Variants in MAP4K4 observed in about 807,000 individuals in gnomAD.
MAP4K4 encodes the protein mitogen-activated protein kinase kinase kinase kinase 4.
Under a neutral mutation model 189.6 loss-of-function variants are expected in MAP4K4, and 38 were observed. The ratio of observed to expected loss-of-function variants is 0.20; its 90% confidence interval spans 0.15 to 0.26. MAP4K4 has a LOEUF of 0.26. Ranked by LOEUF, MAP4K4 falls within the 10% of genes least tolerant of loss-of-function variation. The pLI, the probability that MAP4K4 is intolerant of heterozygous loss-of-function variation, is 1.00. For missense variants in MAP4K4, 1,054 were observed against 1,726.9 expected, an observed-to-expected ratio of 0.61 and a Z score of 6.91; for synonymous variants, 610 against 624.3, an observed-to-expected ratio of 0.98 and a Z score of 0.34.
chr2:101,780,931 A>G (rs1364825644), intron 2 of MAP4K4, among the ~76,000 whole-genome samples: 1 of 152,202 alleles, frequency 6.6e-6, no homozygotes, highest in Non-Finnish European at 1.5e-5. Flanking sequence ...GTTTGCCTAT[A>G]GTAAAAAATG....
intron 3 of MAP4K4, among the ~76,000 whole-genome samples, chr2:101,799,771 T>A (rs1485740580): frequency 6.6e-6 from 1 of 152,062 alleles, no homozygotes; most frequent in Non-Finnish European, 1.5e-5. Context: ...CCAGCTAATT[T>A]TTAAAATTTT....
intron 18 of MAP4K4, 94 bp downstream of exon 18, chr2:101,865,130 GT>G: frequency 1.4e-6 from 1 of 722,980 alleles, no homozygotes; most frequent in Non-Finnish European, 2.3e-6. Flanking sequence ...AAACACAGAC[GT>G]TCTGGGGCTA....
intron 2 of MAP4K4, among the ~76,000 whole-genome samples, chr2:101,755,179 CT>C (rs1398337426): frequency 1.4e-5 from 2 of 144,612 alleles, no homozygotes; most frequent in Admixed American, 1.4e-4. Flanking sequence ...TTGATGCCCC[CT>C]CCTCGCTTTT....
At chr2:101,787,892 C>T (rs911688792) in intron 2 of MAP4K4, among the ~76,000 whole-genome samples, 17 of 151,588 alleles carry the variant, frequency 1.1e-4, no homozygotes, top group Non-Finnish European at 1.9e-4. Flanking sequence ...CAACCTCCAC[C>T]TCCTGGGTTC....
intron 2 of MAP4K4, among the ~76,000 whole-genome samples, chr2:101,769,863 T>TGA (rs947014374): frequency 2.0e-5 from 3 of 152,156 alleles, no homozygotes; most frequent in African/African-American, 7.2e-5. Context: ...ATTACAGGCA[T>TGA]GAGCCACTGT....
chr2:101,726,201 C>T (rs1462607851), intron 2 of MAP4K4, among the ~76,000 whole-genome samples: 7 of 152,182 alleles, frequency 4.6e-5, no homozygotes, highest in Non-Finnish European at 8.8e-5. Context: ...TTTGAAGCTG[C>T]TTGCAGCTAT....
chr2:101,716,429 C>T (rs1400181837), intron 2 of MAP4K4, among the ~76,000 whole-genome samples: 20 of 151,006 alleles, frequency 1.3e-4, no homozygotes, highest in Admixed American at 6.6e-5. Flanking sequence ...GGCGACAGAG[C>T]GAGACTCTGT....
chr2:101,790,986 A>G (rs900371503), intron 3 of MAP4K4, among the ~76,000 whole-genome samples: 1 of 152,156 alleles, frequency 6.6e-6, no homozygotes, highest in Non-Finnish European at 1.5e-5. Context: ...CATTTTCTCA[A>G]AACACACGCA....
intron 3 of MAP4K4, among the ~76,000 whole-genome samples, chr2:101,802,574 C>T (rs1160386073): frequency 6.6e-6 from 1 of 152,102 alleles, no homozygotes; most frequent in Non-Finnish European, 1.5e-5. Context: ...CCTGGAATGC[C>T]ACTCCCTCAC....
intron 2 of MAP4K4, among the ~76,000 whole-genome samples, chr2:101,713,695 G>T (rs1016814838): frequency 1.3e-5 from 2 of 150,084 alleles, no homozygotes; most frequent in Non-Finnish European, 3.0e-5. Context: ...AGGAATTCAA[G>T]ACTAGCCTCA....
intron 3 of MAP4K4, among the ~76,000 whole-genome samples, chr2:101,818,317 A>G (rs1192569956): frequency 1.3e-5 from 2 of 152,192 alleles, no homozygotes; most frequent in African/African-American, 4.8e-5. Context: ...TGTATATCTC[A>G]TTTTATCCGT....
chr2:101,715,859 C>T (rs990666401), intron 2 of MAP4K4, among the ~76,000 whole-genome samples: 14 of 152,088 alleles, frequency 9.2e-5, no homozygotes, highest in African/African-American at 3.1e-4. Flanking sequence ...TATTTATAGC[C>T]GCTCCCCATT....
At chr2:101,847,256 C>T (rs1038080381) in intron 12 of MAP4K4, among the ~76,000 whole-genome samples, 4 of 152,142 alleles carry the variant, frequency 2.6e-5, no homozygotes, top group African/African-American at 9.7e-5. Flanking sequence ...CAATTATATA[C>T]AGTATATGTT....
At chr2:101,763,940 G>A (rs189961108) in intron 2 of MAP4K4, among the ~76,000 whole-genome samples, 1 of 152,146 alleles carries the variant, frequency 6.6e-6, no homozygotes, top group Non-Finnish European at 1.5e-5. Context: ...GACCCTGAGA[G>A]GTCAGGGTGC....
intron 9 of MAP4K4, among the ~76,000 whole-genome samples, chr2:101,839,341 C>T (rs959862331): frequency 4.6e-5 from 7 of 152,302 alleles, no homozygotes; most frequent in Admixed American, 2.6e-4. Flanking sequence ...TTTGGAACTC[C>T]GGTTGAAATG....
At chr2:101,730,682 T>C (rs17025997) in intron 2 of MAP4K4, among the ~76,000 whole-genome samples, 5,329 of 152,220 alleles carry the variant, frequency 0.035, 322 homozygotes, top group African/African-American at 0.12. Context: ...GCATACGTTT[T>C]TGAATTTTTC....
exon 12 of MAP4K4, chr2:101,844,164 G>A (rs1271865136): frequency 1.2e-6 from 2 of 1,612,606 alleles, no homozygotes; most frequent in South Asian, 2.2e-5. Context: ...TGCAGCAGGA[G>A]AACAAGGAAC....
At chr2:101,775,778 C>A (rs138696624) in intron 2 of MAP4K4, among the ~76,000 whole-genome samples, 7 of 152,310 alleles carry the variant, frequency 4.6e-5, no homozygotes, top group African/African-American at 1.7e-4. Context: ...ACTCTCAGTG[C>A]CCCGTTCACG....
chr2:101,802,674 C>T (rs1046873164), intron 3 of MAP4K4, among the ~76,000 whole-genome samples: 2 of 152,198 alleles, frequency 1.3e-5, no homozygotes, highest in Admixed American at 6.5e-5. Flanking sequence ...TGTTCTATGT[C>T]ACCGTATATA....
Sources: gnomAD v4.1 joint callset for allele counts (sites outside exome capture counted in the v4.1 genomes callset) on GRCh38, gnomAD v4.1.1 for gene constraint, MANE v1.5 for transcripts, NCBI Gene and HGNC (gene_info 2026-07-23, HGNC 2026-07-21) for gene names.